The following SNTG1 variants were observed in gnomAD, a reference collection of about 807,000 sequenced individuals.
SNTG1 encodes the protein gamma-1-syntrophin.
Under a neutral mutation model 74.7 loss-of-function variants are expected in SNTG1, and 39 were observed. The ratio of observed to expected loss-of-function variants is 0.52; its 90% CI spans 0.40 to 0.68. The LOEUF is 0.68. SNTG1 is among the 30% of genes least tolerant of loss of function. SNTG1 has a pLI of 0.00. For synonymous variants in SNTG1, 254 were observed against 217.1 expected, an observed-to-expected ratio of 1.17 and a Z score of -1.49; for missense variants, 685 against 609.5, an observed-to-expected ratio of 1.12 and a Z score of -1.30.
chr8:50,141,716 G>A (rs925123322), intron 1 of SNTG1, among the ~76,000 whole-genome samples: 6 of 152,044 alleles, frequency 3.9e-5, no homozygotes, highest in African/African-American at 1.4e-4. Flanking sequence ...GAAAATGTAA[G>A]TTTAATGCCT....
At chr8:50,535,408 C>A (rs1050868796) in intron 10 of SNTG1, among the ~76,000 whole-genome samples, 2 of 152,074 alleles carry the variant, frequency 1.3e-5, no homozygotes, top group African/African-American at 4.8e-5. Context: ...CATCACATGC[C>A]GATCATCCAT....
chr8:50,235,841 T>C (rs1166011699), intron 2 of SNTG1, among the ~76,000 whole-genome samples: 2 of 151,930 alleles, frequency 1.3e-5, no homozygotes, highest in African/African-American at 4.8e-5. Flanking sequence ...CCAAGTAAAA[T>C]ATGTTAGCAG....
At chr8:50,149,120 G>A (rs947711196) in intron 1 of SNTG1, among the ~76,000 whole-genome samples, 5 of 151,940 alleles carry the variant, frequency 3.3e-5, no homozygotes, top group African/African-American at 9.7e-5. Flanking sequence ...TCTCATTGGA[G>A]ATTTGATTTC....
At chr8:50,038,620 A>G (rs148367747) in intron 1 of SNTG1, among the ~76,000 whole-genome samples, 124 of 152,310 alleles carry the variant, frequency 8.1e-4, no homozygotes, top group African/African-American at 2.8e-3. Flanking sequence ...GAAGGGTAAA[A>G]GAAAAAAAAT....
At chr8:50,623,765 G>T (rs892562383) in intron 13 of SNTG1, among the ~76,000 whole-genome samples, 2 of 151,800 alleles carry the variant, frequency 1.3e-5, no homozygotes, top group Non-Finnish European at 2.9e-5. Context: ...ATAAAATAAA[G>T]TGTTGGTCTC....
chr8:50,524,022 T>C (rs1193236300), intron 9 of SNTG1, among the ~76,000 whole-genome samples: 1 of 152,172 alleles, frequency 6.6e-6, no homozygotes, highest in African/African-American at 2.4e-5. Flanking sequence ...TTGTTTTCTG[T>C]ATGTCTTATA....
At chr8:49,968,483 C>T (rs1811352074) in intron 1 of SNTG1, among the ~76,000 whole-genome samples, 1 of 151,872 alleles carries the variant, frequency 6.6e-6, no homozygotes, top group African/African-American at 2.4e-5. Context: ...CCAAAATTTT[C>T]ATAAGATCTA....
chr8:50,401,442 C>T (rs2092804432), intron 3 of SNTG1, among the ~76,000 whole-genome samples: 1 of 152,172 alleles, frequency 6.6e-6, no homozygotes, highest in Non-Finnish European at 1.5e-5. Flanking sequence ...AGTCTGTTTT[C>T]ACAATTACCC....
At chr8:50,096,394 A>T (rs2079930754) in intron 1 of SNTG1, among the ~76,000 whole-genome samples, 1 of 152,172 alleles carries the variant, frequency 6.6e-6, no homozygotes, top group Non-Finnish European at 1.5e-5. Context: ...AAAGAAACTT[A>T]TTGGATAGAA....
chr8:50,082,945 AGCCACTGACCTCTTTTTTCAATT>A (rs1224208146), intron 1 of SNTG1, among the ~76,000 whole-genome samples: 26 of 152,132 alleles, frequency 1.7e-4, no homozygotes, highest in Non-Finnish European at 2.6e-4. Flanking sequence ...AGGCTAATGG[AGCCACTGACCTCTTTTTTCAATT>A]GCCACTGAGA....
At chr8:50,665,718 C>T (rs1222548866) in intron 15 of SNTG1, among the ~76,000 whole-genome samples, 2 of 151,950 alleles carry the variant, frequency 1.3e-5, no homozygotes, top group Non-Finnish European at 2.9e-5. Flanking sequence ...ATCTATTGGG[C>T]AAATTCGGGA....
Position 50,533,313 on chromosome 8 carries a change from TCA to T in SNTG1, c.549+3055_549+3056del, listed in dbSNP as rs1391331291. Among the ~76,000 whole-genome samples the T allele has an allele frequency of 2.0e-5, 3 of 152,338 alleles. No homozygotes were observed. In the East Asian group the frequency reaches 5.8e-4, roughly 29 times the overall value. ...ATGCCACCAAATCCTTAATAAAATC[TCA>T]GTTAGCAGTTTGCCCTTTGTGCAGT... On this transcript the variant is annotated intron_variant, in intron 10 of 18. Coordinates refer to ENST00000642720, the MANE Select transcript of SNTG1 (RefSeq NM_018967.5).
At chr8:50,370,687 C>T (rs1434552363) in intron 2 of SNTG1, among the ~76,000 whole-genome samples, 1 of 152,074 alleles carries the variant, frequency 6.6e-6, no homozygotes, top group Non-Finnish European at 1.5e-5. Context: ...TCTCCAGAGC[C>T]ATCCCCACCT....
chr8:50,073,522 C>T (rs1425288398), intron 1 of SNTG1, among the ~76,000 whole-genome samples: 2 of 152,138 alleles, frequency 1.3e-5, no homozygotes, highest in Non-Finnish European at 2.9e-5. Flanking sequence ...TTTTGACCTC[C>T]TCTCATGAGT....
Position 50,764,043 on chromosome 8 carries a change from A to AT in SNTG1, c.1395+11937dup, listed in dbSNP as rs542324322. Among the ~76,000 whole-genome samples the AT allele has an allele frequency of 2.7e-3, 404 of 151,650 alleles. 3 individuals carry two copies. The highest frequency in any genetic ancestry group is 9.0e-3 in the African/African-American group (373 of 41,454). On this transcript the variant is annotated intron_variant, in intron 18 of 18. Coordinates refer to ENST00000642720, the MANE Select transcript of SNTG1 (RefSeq NM_018967.5). ...GAACCTGTGTGATTATGATCAATTG[A>AT]TTTTTACAATGGCCCCAATAATACA...
intron 8 of SNTG1, among the ~76,000 whole-genome samples, chr8:50,491,900 C>A: frequency 6.6e-6 from 1 of 151,128 alleles, no homozygotes; most frequent in East Asian, 2.0e-4. Context: ...CCCTACCACC[C>A]GCAGGCCCCA....
chr8:49,913,801 T>C (rs574351665), intron 1 of SNTG1, among the ~76,000 whole-genome samples: 1 of 152,326 alleles, frequency 6.6e-6, no homozygotes, highest in East Asian at 1.9e-4. Flanking sequence ...ATTTTGGCTG[T>C]CAATTAATTA....
chr8:50,311,953 A>T (rs1421555288), intron 2 of SNTG1, among the ~76,000 whole-genome samples: 1 of 152,182 alleles, frequency 6.6e-6, no homozygotes, highest in Non-Finnish European at 1.5e-5. Context: ...GCAGACTCTT[A>T]ATTATCCCCA....
chr8:50,438,608 C>T lies in SNTG1; in HGVS notation c.219+9C>T, dbSNP rs1246603281. Reference sequence around the variant, plus strand: ...TTGGATTAAGCATAAAGGTAGCCTGCCTTTCTAGTCTATCCTTACAAAGGC... The same window carrying T: ...TTGGATTAAGCATAAAGGTAGCCTGTCTTTCTAGTCTATCCTTACAAAGGC... On this transcript the variant is annotated intron_variant, in intron 5 of 18. Transcript: ENST00000642720. The T allele has an allele frequency of 6.2e-7, 1 of 1,609,800 alleles. No homozygotes were observed. The highest frequency in any genetic ancestry group is 2.2e-5 in the East Asian group (1 of 44,768).
Sources: allele counts gnomAD v4.1 joint callset (sites outside exome capture counted in the v4.1 genomes callset), GRCh38; gene constraint gnomAD v4.1.1; transcripts MANE v1.5; gene names NCBI Gene and HGNC (gene_info 2026-07-23, HGNC 2026-07-21).